The following PARN variants were observed in gnomAD, a reference collection of about 807,000 sequenced individuals.
The protein encoded by PARN is poly(A)-specific ribonuclease, also known as poly(A)-specific ribonuclease PARN.
In PARN, 71 loss-of-function variants were observed where a neutral mutation model predicts 102.8. The observed-to-expected ratio is 0.69, with a 90% CI of 0.57 to 0.84. The LOEUF is 0.84. PARN is among the 40% of genes least tolerant of loss of function. The probability of loss-of-function intolerance (pLI) is 0.00; values close to 1 mark genes in which losing one functional copy is unlikely to be tolerated. For missense variants in PARN, 782 were observed against 760.9 expected (o/e 1.03, Z -0.33); for synonymous variants, 261 against 252.9 (o/e 1.03, Z -0.30).
In PARN at chr16:14,630,235, T is replaced by A. The variant is rs763884499; in HGVS notation, c.-110A>T. On this transcript the variant is annotated 5_prime_UTR_variant, in exon 1 of 24. Coordinates refer to ENST00000437198, the MANE Select transcript of PARN (RefSeq NM_002582.4). ...GCAGTAGCTGAGGCAGCCGCAGCGG[T>A]GACGCCGGCCGCGACTTCCGGAAAC... The A allele has an allele frequency of 2.8e-4, 270 of 967,740 alleles. No homozygotes were observed. Among genetic ancestry groups the A allele is most frequent in the Non-Finnish European group, 4.0e-4 (262 of 650,970 alleles). 59.9% of individuals were successfully genotyped at this position (967,740 alleles called of 1,614,324 possible).
At chr16:14,579,851 C>T (rs1198633395) in intron 18 of PARN, among the ~76,000 whole-genome samples, 1 of 151,918 alleles carries the variant, frequency 6.6e-6, no homozygotes, top group Non-Finnish European at 1.5e-5. Flanking sequence ...TGGTACATGC[C>T]TGTAGTTCCA....
At chr16:14,544,189 C>T (rs1966860162) in intron 21 of PARN, among the ~76,000 whole-genome samples, 2 of 151,712 alleles carry the variant, frequency 1.3e-5, no homozygotes, top group Non-Finnish European at 1.5e-5. Context: ...AAGACTCCAT[C>T]TCAAAAAAAA....
At chr16:14,521,674 T>C (rs1304408908) in intron 21 of PARN, among the ~76,000 whole-genome samples, 2 of 151,906 alleles carry the variant, frequency 1.3e-5, no homozygotes, top group African/African-American at 4.8e-5. Context: ...GGTACATGCC[T>C]GTAATCCCAG....
chr16:14,590,382 C>G (rs532140016), intron 13 of PARN, among the ~76,000 whole-genome samples: 1 of 151,324 alleles, frequency 6.6e-6, no homozygotes, highest in East Asian at 1.9e-4. Flanking sequence ...CGCCTGTAAT[C>G]CCAGAACTTT....
rs1567287367 is a variant in PARN, at chr16:14,451,887, AAAAAAT to A, written c.1671-4812_1671-4807del. The stretch of plus-strand genomic sequence containing the variant: ...AAAAATACAAAAAAAAAAAAAAAAA[AAAAAAT>A]ACAAAAAATTAGCCAGGCACAGTGG... On this transcript the variant is annotated intron_variant, in intron 22 of 23. Coordinates refer to ENST00000437198, the MANE Select transcript of PARN (RefSeq NM_002582.4). Among the ~76,000 whole-genome samples the A allele has an allele frequency of 2.0e-4, 27 of 134,572 alleles. No homozygotes were observed. In the East Asian group the frequency reaches 5.3e-3, roughly 26 times the overall value. The allele number at this position is 134,572 out of a possible 152,430, so 88.3% of individuals were successfully genotyped here. A position where few individuals can be genotyped will look rare whatever the true frequency, so the allele number is the denominator to read the frequency against.
intron 5 of PARN, 31 bp from the exon 6 acceptor site, chr16:14,617,681 G>C (rs766779090): frequency 7.3e-7 from 1 of 1,361,234 alleles, no homozygotes; most frequent in South Asian, 1.2e-5. Flanking sequence ...CACATGTTTT[G>C]GGGATGTTAG....
At chr16:14,629,730 G>A in intron 1 of PARN, 56 bp from the exon 2 acceptor site, 4 of 1,305,590 alleles carry the variant, frequency 3.1e-6, no homozygotes, top group Non-Finnish European at 3.3e-6. Context: ...CTGCTAAGGG[G>A]AGAGGGAAGG....
intron 18 of PARN, among the ~76,000 whole-genome samples, chr16:14,576,946 C>T (rs1443420452): frequency 6.6e-6 from 1 of 152,208 alleles, no homozygotes; most frequent in Non-Finnish European, 1.5e-5. Context: ...CTCAGGATTT[C>T]CTCAATAGTT....
chr16:14,481,350 A>T (rs1019419954), intron 22 of PARN, among the ~76,000 whole-genome samples: 4 of 152,236 alleles, frequency 2.6e-5, no homozygotes, highest in Non-Finnish European at 4.4e-5. Flanking sequence ...AAATATATTA[A>T]GCAAAAAAGT....
At chr16:14,598,149 T>C (rs559625631) in intron 12 of PARN, among the ~76,000 whole-genome samples, 1 of 137,700 alleles carries the variant, frequency 7.3e-6, no homozygotes, top group African/African-American at 2.7e-5. Flanking sequence ...GCTCAAAAAA[T>C]ATATATATAT....
At chr16:14,563,456 T>C (rs1171573899) in intron 18 of PARN, among the ~76,000 whole-genome samples, 1 of 150,666 alleles carries the variant, frequency 6.6e-6, no homozygotes, top group Admixed American at 6.7e-5. Context: ...CCACGAGTTT[T>C]AATGTGTTTG....
At chr16:14,497,535 A>T (rs186408413) in intron 21 of PARN, among the ~76,000 whole-genome samples, 1 of 152,322 alleles carries the variant, frequency 6.6e-6, no homozygotes, top group Admixed American at 6.5e-5. Flanking sequence ...AACTTTGGCA[A>T]CTTGTTGGGC....
intron 18 of PARN, among the ~76,000 whole-genome samples, chr16:14,567,891 G>T (rs1968525142): frequency 6.6e-6 from 1 of 152,214 alleles, no homozygotes; most frequent in African/African-American, 2.4e-5. Flanking sequence ...CAACTTTGCA[G>T]CAAGACCTTT....
chr16:14,588,525 C>T (rs1969991754), intron 13 of PARN, among the ~76,000 whole-genome samples: 2 of 152,126 alleles, frequency 1.3e-5, no homozygotes, highest in South Asian at 4.2e-4. Context: ...TTCGAAACAC[C>T]TAGAAGCACA....
intron 22 of PARN, among the ~76,000 whole-genome samples, chr16:14,450,699 C>G (rs1479359183): frequency 6.6e-6 from 1 of 152,022 alleles, no homozygotes; most frequent in Non-Finnish European, 1.5e-5. Context: ...TAAAAGGAAC[C>G]AGGGTTCCTC....
chr16:14,489,231 T>A (rs74009173), intron 21 of PARN, among the ~76,000 whole-genome samples: 302 of 152,236 alleles, frequency 2.0e-3, no homozygotes, highest in African/African-American at 6.3e-3. Flanking sequence ...TAGGTAGATG[T>A]AATTTATTAG....
At chr16:14,608,031 A>T (rs1439869765) in intron 9 of PARN, 1 of 495,420 alleles carries the variant, frequency 2.0e-6, no homozygotes, top group Admixed American at 4.1e-5. Context: ...GGACAAAAAC[A>T]CTACCAATCC....
At chr16:14,573,256 A>G (rs1017191195) in intron 18 of PARN, among the ~76,000 whole-genome samples, 10 of 152,240 alleles carry the variant, frequency 6.6e-5, no homozygotes, top group African/African-American at 9.6e-5. Flanking sequence ...ATATGTATAC[A>G]CTGTAAGATG....
intron 21 of PARN, among the ~76,000 whole-genome samples, chr16:14,503,634 G>A (rs1435058740): frequency 3.9e-5 from 6 of 152,150 alleles, no homozygotes; most frequent in Admixed American, 2.6e-4. Context: ...GTGGTCACCC[G>A]TGCATCTACC....
Sources: gnomAD v4.1 joint callset for allele counts (sites outside exome capture counted in the v4.1 genomes callset) on GRCh38, gnomAD v4.1.1 for gene constraint, MANE v1.5 for transcripts, NCBI Gene and HGNC (gene_info 2026-07-23, HGNC 2026-07-21) for gene names.